Variants in DPYSL5 observed in about 807,000 individuals in gnomAD.
The protein encoded by DPYSL5 is dihydropyrimidinase like 5.
DPYSL5 carries 9 observed loss-of-function variants against 58.4 expected under a neutral mutation model. That is an observed-to-expected ratio of 0.15 (90% CI 0.09 to 0.27). The LOEUF (loss-of-function observed/expected upper bound fraction) is 0.27. Among genes scored for constraint, DPYSL5 ranks in the 10% least tolerant of loss-of-function variants. The pLI, the probability that DPYSL5 is intolerant of heterozygous loss-of-function variation, is 1.00. For missense variants in DPYSL5, 499 were observed against 770.6 expected (o/e 0.65, Z 4.17); for synonymous variants, 293 against 301.9 (o/e 0.97, Z 0.31).
chr2:26,931,201 G>GTATATATATATATATATATATATA (rs1161770394), intron 5 of DPYSL5, among the ~76,000 whole-genome samples: 37 of 54,556 alleles, frequency 6.8e-4, no homozygotes, highest in South Asian at 1.9e-3. Context: ...GTGTGTGTGT[G>GTATATATATATATATATATATATA]TGTATATATA....
In DPYSL5 at chr2:26,905,055, G is replaced by A. The variant is rs1174293449; in HGVS notation, c.261+6295G>A. 1.3e-5 allele frequency among the ~76,000 whole-genome samples: 2 copies of A among 152,136 alleles called. No homozygotes were observed. The highest frequency in any genetic ancestry group is 2.4e-5 in the African/African-American group (1 of 41,416). On this transcript the variant is annotated intron_variant, in intron 2 of 12. Transcript: ENST00000288699. The surrounding 1 kb of genome is among the most constrained non-coding windows in gnomAD (Gnocchi z 4.0). Reference sequence around the variant, plus strand: ...GAACAATCACCCCTTTCAGCCTGTGGCCTCTTGGTTGGCTGTATGCAAATA... The same window carrying A: ...GAACAATCACCCCTTTCAGCCTGTGACCTCTTGGTTGGCTGTATGCAAATA...
Position 26,927,282 on chromosome 2 carries a change from G to A in DPYSL5, c.450G>A (p.Arg150=), listed in dbSNP as rs1306786386. 1 of 1,614,118 alleles carries A rather than the reference G, an allele frequency of 6.2e-7. No homozygotes were observed. Among genetic ancestry groups the A allele is most frequent in the South Asian group, 1.1e-5 (1 of 91,020 alleles). The change falls in exon 4 of 13, where the codon AGG becomes AGA. Residue 150 remains arginine, a synonymous_variant. Transcript: ENST00000288699. The surrounding 1 kb of genome is among the most constrained non-coding windows in gnomAD (Gnocchi z 4.3). ...AAGCAGAAATGGAGACACTGGTGAG[G>A]GAGAAGGGTGTCAACTCGTTCCAGA... ...KVKAEMETLV[R]EKGVNSFQMF...
intron 1 of DPYSL5, among the ~76,000 whole-genome samples, chr2:26,873,430 A>G (rs2148118774): frequency 6.6e-6 from 1 of 152,280 alleles, no homozygotes; most frequent in Non-Finnish European, 1.5e-5. Flanking sequence ...GGCGACATAT[A>G]GCAATGTCTG....
chr2:26,940,221 G>T (rs202177895), intron 9 of DPYSL5, 49 bp downstream of exon 9: 1 of 1,599,986 alleles, frequency 6.3e-7, no homozygotes. Context: ...TCTAATCCCC[G>T]TTTCATCCCC....
At chr2:26,850,042 G>C (rs775793896) in intron 1 of DPYSL5, among the ~76,000 whole-genome samples, 16 of 152,240 alleles carry the variant, frequency 1.1e-4, no homozygotes, top group Non-Finnish European at 1.9e-4. Context: ...GGCTTTGTCT[G>C]CCGAGGCGGC....
At chr2:26,851,410 A>G (rs765093900) in intron 1 of DPYSL5, among the ~76,000 whole-genome samples, 6 of 64,546 alleles carry the variant, frequency 9.3e-5, no homozygotes, top group Non-Finnish European at 1.8e-4. Context: ...ATTATTCTTA[A>G]TGCTTCTATC....
intron 1 of DPYSL5, among the ~76,000 whole-genome samples, chr2:26,859,346 G>T (rs1665956055): frequency 6.6e-6 from 1 of 151,458 alleles, no homozygotes; most frequent in Non-Finnish European, 1.5e-5. Context: ...TGAGAATAGA[G>T]ATTGTGTTTT....
At chr2:26,946,049 C>T (rs1665472190) in intron 12 of DPYSL5, among the ~76,000 whole-genome samples, 2 of 152,214 alleles carry the variant, frequency 1.3e-5, no homozygotes, top group African/African-American at 4.8e-5. Context: ...GCCACTCCCA[C>T]CAGTGACGGG....
Position 26,924,978 on chromosome 2 carries a change from G to T in DPYSL5, c.353G>T (p.Gly118Val). The part of the protein sequence containing the change: ...SLVDAYEKCR[G>V]LADPKVCCDY... ...GTGGACGCTTATGAGAAGTGCCGAG[G>T]TCTGGCCGACCCCAAGGTCTGCTGT... The change falls in exon 3 of 13, where the codon GGT (glycine) becomes GTT (valine). Residue 118 changes from glycine (G) to valine (V), a missense_variant. Gly to Val is a moderately radical substitution (Grantham distance 109, BLOSUM62 -3). This residue lies in a region of DPYSL5 where 404 missense variants were observed against 647.6 expected (regional missense o/e 0.62). Coordinates refer to ENST00000288699, the MANE Select transcript of DPYSL5 (RefSeq NM_020134.4). This position sits in a 1 kb window ranked among gnomAD's most constrained non-coding sequence, Gnocchi z 4.7. 2 of 1,614,200 alleles carry T rather than the reference G, an allele frequency of 1.2e-6. No homozygotes were observed. Among genetic ancestry groups the T allele is most frequent in the Non-Finnish European group, 1.7e-6 (2 of 1,180,028 alleles).
intron 1 of DPYSL5, among the ~76,000 whole-genome samples, chr2:26,874,231 T>C (rs931310058): frequency 6.6e-6 from 1 of 152,256 alleles, no homozygotes; most frequent in Non-Finnish European, 1.5e-5. Flanking sequence ...CTTTTTCATT[T>C]TCTTAACAGG....
chr2:26,859,691 A>G (rs12991828), intron 1 of DPYSL5, among the ~76,000 whole-genome samples: 47,931 of 152,154 alleles, frequency 0.32, 8,729 homozygotes, highest in Admixed American at 0.44. Flanking sequence ...GATGTTGGCC[A>G]TTATGACAGA....
chr2:26,921,851 T>A (rs1483529032), intron 2 of DPYSL5, among the ~76,000 whole-genome samples: 1 of 152,086 alleles, frequency 6.6e-6, no homozygotes, highest in African/African-American at 2.4e-5. Flanking sequence ...TGGGGACCCC[T>A]GAGAAGTAAG....
chr2:26,886,688 C>T (rs1009608751), intron 1 of DPYSL5, among the ~76,000 whole-genome samples: 1 of 152,186 alleles, frequency 6.6e-6, no homozygotes, highest in Non-Finnish European at 1.5e-5. Context: ...GCATTTCCCA[C>T]TCATCTCAAA....
At chr2:26,866,824 C>G (rs1275317930) in intron 1 of DPYSL5, among the ~76,000 whole-genome samples, 3 of 151,272 alleles carry the variant, frequency 2.0e-5, no homozygotes, top group African/African-American at 7.3e-5. Flanking sequence ...CTCCGTCTCC[C>G]GGGTTCAAGT....
chr2:26,904,448 C>A (rs1040784378), intron 2 of DPYSL5, among the ~76,000 whole-genome samples: 1 of 152,206 alleles, frequency 6.6e-6, no homozygotes, highest in Non-Finnish European at 1.5e-5. Flanking sequence ...CGTCTTTAAG[C>A]TCTGCAATGA....
intron 5 of DPYSL5, 133 bp from the exon 6 acceptor site, chr2:26,931,507 A>T: frequency 1.1e-6 from 1 of 902,192 alleles, no homozygotes; most frequent in Non-Finnish European, 1.7e-6. Flanking sequence ...GTTGGAGGTT[A>T]GTGCCTCTGC....
chr2:26,946,796 T>C, intron 12 of DPYSL5, 114 bp from the exon 13 acceptor site: 2 of 698,020 alleles, frequency 2.9e-6, no homozygotes, highest in East Asian at 5.5e-5. Context: ...TGGGATGGAG[T>C]GGCTGTGAGG....
At chr2:26,911,767 C>A (rs1218774253) in intron 2 of DPYSL5, among the ~76,000 whole-genome samples, 1 of 152,130 alleles carries the variant, frequency 6.6e-6, no homozygotes, top group African/African-American at 2.4e-5. Flanking sequence ...TTACAGAATC[C>A]TTTGTTACCG....
At position 26,924,442 on chromosome 2, in the gene DPYSL5, G is replaced by T. The variant is rs1664776791; in HGVS notation, c.262-445G>T. Reference sequence around the variant, plus strand: ...AATATACGTGTGTAACTAAGTAAATGATATAAACAGACATTTGATTATGCC... The same window carrying T: ...AATATACGTGTGTAACTAAGTAAATTATATAAACAGACATTTGATTATGCC... On this transcript the variant is annotated intron_variant, in intron 2 of 12. Transcript: ENST00000288699. This position sits in a 1 kb window ranked among gnomAD's most constrained non-coding sequence, Gnocchi z 4.7. 6.6e-6 allele frequency among the ~76,000 whole-genome samples: 1 copy of T among 152,112 alleles called. No homozygotes were observed. The highest frequency in any genetic ancestry group is 2.4e-5 in the African/African-American group (1 of 41,400).
Sources: allele counts gnomAD v4.1 joint callset (sites outside exome capture counted in the v4.1 genomes callset), GRCh38; gene constraint gnomAD v4.1.1; regional missense constraint gnomAD v4.1.1; non-coding constraint Gnocchi (gnomAD v3.1); transcripts MANE v1.5; gene names NCBI Gene and HGNC (gene_info 2026-07-23, HGNC 2026-07-21).